Variants in SELENOS observed in about 807,000 individuals in gnomAD.
SELENOS encodes the protein selenoprotein S.
In SELENOS, 37 loss-of-function variants were observed where a neutral mutation model predicts 30.2. The ratio of observed to expected loss-of-function variants is 1.23; its 90% CI spans 0.94 to 1.61. SELENOS has a LOEUF of 1.61. SELENOS is among the 40% of genes most tolerant of loss of function. SELENOS has a pLI of 0.00. For missense variants in SELENOS, 289 were observed against 231.8 expected, an observed-to-expected ratio of 1.25 and a Z score of -1.60; for synonymous variants, 119 against 91.6, an observed-to-expected ratio of 1.30 and a Z score of -1.71.
intron 2 of SELENOS, 137 bp downstream of exon 2, chr15:101,276,404 A>G: frequency 8.3e-7 from 1 of 1,204,828 alleles, no homozygotes; most frequent in Non-Finnish European, 1.1e-6. Flanking sequence ...GCGTGCCGCC[A>G]CTCCCGGCTA....
At chr15:101,271,088 C>G (rs12438654), downstream of SELENOS, 3,841 of 152,256 alleles carry the variant, frequency 0.025, 86 homozygotes, top group South Asian at 0.044. Context: ...TCTTGATGGA[C>G]GGCAGCAAGG....
chr15:101,271,009 T>C (rs1034406224), downstream of SELENOS: 3 of 152,182 alleles, frequency 2.0e-5, no homozygotes, highest in South Asian at 2.1e-4. Context: ...CATCTAATAG[T>C]GTACTTAAAC....
At chr15:101,271,007 A>G (rs2039261884), downstream of SELENOS, 1 of 152,202 alleles carries the variant, frequency 6.6e-6, no homozygotes, top group African/African-American at 2.4e-5. Context: ...CACATCTAAT[A>G]GTGTACTTAA....
At chr15:101,274,959 T>A in intron 3 of SELENOS, 2 of 575,178 alleles carry the variant, frequency 3.5e-6, no homozygotes, top group Non-Finnish European at 6.0e-6. Context: ...TTTTTGGTAA[T>A]GGGGAAGACA....
rs1198534694 is a variant in SELENOS, at chr15:101,275,180, A to ACAGACACAGGC, written c.318+64_318+74dup. The stretch of plus-strand genomic sequence containing the variant: ...CTGGTCCTAGAAGCTTATAGACAAC[A>ACAGACACAGGC]CAGACACAGGCATCGTTAGCCACTA... On this transcript the variant is annotated intron_variant, in intron 3 of 5. Transcript: ENST00000526049. 9.9e-6 allele frequency: 13 copies of ACAGACACAGGC among 1,312,942 alleles called. No homozygotes were observed. In the African/African-American group the frequency reaches 1.6e-4, roughly 17 times the overall value. The allele number at this position is 1,312,942 out of a possible 1,614,324, so 81.3% of individuals were successfully genotyped here.
chr15:101,274,813 A>C (rs1023984112), intron 3 of SELENOS, 132 bp from the exon 4 acceptor site: 1 of 997,614 alleles, frequency 1.0e-6, no homozygotes, highest in South Asian at 1.5e-5. Flanking sequence ...TTAGTTAATA[A>C]AACTGTTGTG....
chr15:101,274,984 C>T, intron 3 of SELENOS: 1 of 571,084 alleles, frequency 1.8e-6, no homozygotes, highest in Non-Finnish European at 3.0e-6. Context: ...CACATGCACA[C>T]ACACACTCAC....
intron 3 of SELENOS, 109 bp from the exon 4 acceptor site, chr15:101,274,790 ACC>A (rs1448036516): frequency 1.7e-6 from 2 of 1,159,332 alleles, no homozygotes; most frequent in African/African-American, 3.1e-5. Context: ...AACAAACTTC[ACC>A]CTCGTTTTCT....
At chr15:101,275,505 C>T in intron 2 of SELENOS, 144 bp from the exon 3 acceptor site, 1 of 686,886 alleles carries the variant, frequency 1.5e-6, no homozygotes, top group Non-Finnish European at 2.2e-6. Flanking sequence ...CTCCTAACCC[C>T]TCTGCATACA....
intron 2 of SELENOS, among the ~76,000 whole-genome samples, chr15:101,276,027 T>C (rs1160963646): frequency 6.7e-6 from 1 of 150,102 alleles, no homozygotes; most frequent in African/African-American, 2.5e-5. Context: ...GTTCAAGCGA[T>C]TTCTCCTGCC....
At chr15:101,276,388 A>C in intron 2 of SELENOS, 153 bp downstream of exon 2, 1 of 1,038,488 alleles carries the variant, frequency 9.6e-7, no homozygotes, top group Non-Finnish European at 1.3e-6. Context: ...AGCTGGGACT[A>C]CAGGTGCGTG....
chr15:101,272,693 G>GA lies in SELENOS; in HGVS notation c.*77dup. ...CCACCTCCCCTTGGCTAGTCACTGT[G>GA]AAAAGCGTGCGTAAGGCAATTGAAT... On this transcript the variant is annotated 3_prime_UTR_variant, in exon 6 of 6. Transcript: ENST00000526049. The GA allele has an allele frequency of 6.9e-7, 1 of 1,457,238 alleles. No individual in the cohort carries two copies. 90.3% of individuals were successfully genotyped at this position (1,457,238 alleles called of 1,614,324 possible). A position where few individuals can be genotyped will look rare whatever the true frequency, so the allele number is the denominator to read the frequency against.
intron 5 of SELENOS, 45 bp downstream of exon 5, chr15:101,274,374 TG>T: frequency 6.4e-7 from 1 of 1,554,670 alleles, no homozygotes; most frequent in East Asian, 2.3e-5. Context: ...AACTATATCC[TG>T]TAAGTGTTGA....
At position 101,275,172 on chromosome 15, in the gene SELENOS, T is replaced by C. The variant is rs978946360; in HGVS notation, c.318+83A>G. On this transcript the variant is annotated intron_variant, in intron 3 of 5. Coordinates refer to ENST00000526049, the MANE Select transcript of SELENOS (RefSeq NM_018445.6). ...GATAGGACCTGGTCCTAGAAGCTTATAGACAACACAGACACAGGCATCGTT... is the reference window on the plus strand; with the variant it reads ...GATAGGACCTGGTCCTAGAAGCTTACAGACAACACAGACACAGGCATCGTT... 4.1e-5 allele frequency: 50 copies of C among 1,230,508 alleles called. No homozygotes were observed. Among genetic ancestry groups the C allele is most frequent in the Non-Finnish European group, 5.3e-5 (48 of 897,332 alleles). 76.2% of individuals were successfully genotyped at this position (1,230,508 alleles called of 1,614,324 possible).
rs2039344386 is a variant in SELENOS at position 101,277,425 on chromosome 15, G to GCCT, written c.-9_-8insAGG. 6.8e-7 allele frequency: 1 copy of GCCT among 1,462,018 alleles called. No individual in the cohort carries two copies. Among genetic ancestry groups the GCCT allele is most frequent in the African/African-American group, 1.5e-5 (1 of 67,658 alleles). 90.6% of individuals were successfully genotyped at this position (1,462,018 alleles called of 1,614,324 possible). On this transcript the variant is annotated 5_prime_UTR_variant, in exon 1 of 6. Transcript: ENST00000526049. ...CTCCTCTTGGCGTTCCATGACCGCCGCCGCCGCCGCCGCCCAGCCCTGCCG... is the reference window on the plus strand; with the variant it reads ...CTCCTCTTGGCGTTCCATGACCGCCGCCTCCGCCGCCGCCGCCCAGCCCTGCCG...
chr15:101,274,098 G>A (rs1400428143), intron 5 of SELENOS: 8 of 398,094 alleles, frequency 2.0e-5, no homozygotes, highest in Admixed American at 1.9e-4. Flanking sequence ...AAACAAGGTG[G>A]TCCCAGCCAG....
Position 101,277,419 on chromosome 15 carries a change from A to ACTGCCG in SELENOS, c.-3_-2insCGGCAG. 6.8e-7 allele frequency: 1 copy of ACTGCCG among 1,470,380 alleles called. No homozygotes were observed. Among genetic ancestry groups the ACTGCCG allele is most frequent in the Non-Finnish European group, 8.9e-7 (1 of 1,118,408 alleles). 91.1% of individuals were successfully genotyped at this position (1,470,380 alleles called of 1,614,324 possible). ...CAGAGACTCCTCTTGGCGTTCCATG[A>ACTGCCG]CCGCCGCCGCCGCCGCCGCCCAGCC... is the stretch of plus-strand genomic sequence containing the variant. On this transcript the variant is annotated 5_prime_UTR_variant, in exon 1 of 6. Coordinates refer to ENST00000526049, the MANE Select transcript of SELENOS (RefSeq NM_018445.6).
intron 3 of SELENOS, 26 bp from the exon 4 acceptor site, chr15:101,274,707 A>G (rs1421884580): frequency 2.2e-5 from 35 of 1,588,142 alleles, no homozygotes; most frequent in Non-Finnish European, 2.9e-5. Context: ...ATTTTACAGA[A>G]AGAATTCAGA....
intron 5 of SELENOS, chr15:101,274,211 T>A: frequency 1.6e-6 from 1 of 621,394 alleles, no homozygotes; most frequent in East Asian, 2.8e-5. Context: ...TGCAGAAGGA[T>A]CAAGTTAGAA....
Sources: gnomAD v4.1 joint callset for allele counts (sites outside exome capture counted in the v4.1 genomes callset) on GRCh38, gnomAD v4.1.1 for gene constraint, MANE v1.5 for transcripts, NCBI Gene and HGNC (gene_info 2026-07-23, HGNC 2026-07-21) for gene names.